Variants in GLMN observed in about 807,000 individuals in gnomAD.
GLMN encodes the protein glomulin.
A neutral mutation model predicts 87.8 loss-of-function variants in GLMN; 75 were observed. That is an observed-to-expected ratio of 0.85 (90% confidence interval 0.71 to 1.04). The LOEUF is 1.04. Among genes scored for constraint, GLMN ranks in the 50% least tolerant of loss-of-function variants. The probability of loss-of-function intolerance (pLI) is 0.00; values close to 1 mark genes in which losing one functional copy is unlikely to be tolerated. For synonymous variants in GLMN, 206 were observed against 221.6 expected (o/e 0.93, Z 0.63); for missense variants, 588 against 658.8 (o/e 0.89, Z 1.18).
intron 6 of GLMN, 70 bp from the exon 7 acceptor site, chr1:92,286,662 T>C: frequency 5.0e-6 from 4 of 795,126 alleles, no homozygotes; most frequent in Non-Finnish European, 9.0e-6. Flanking sequence ...TCTTCAAATC[T>C]AAGTTAATTT....
At chr1:92,311,589 C>T in the GLMN span, among the ~76,000 whole-genome samples, 1 of 152,150 alleles carries the variant, frequency 6.6e-6, no homozygotes, top group Admixed American at 6.5e-5. Flanking sequence ...CTGAGGATGC[C>T]ATGACCTTAC....
At chr1:92,367,073 T>G in the GLMN span, among the ~76,000 whole-genome samples, 1 of 152,206 alleles carries the variant, frequency 6.6e-6, no homozygotes, top group African/African-American at 2.4e-5. Context: ...ACAAGATACC[T>G]TTGTGATAAA....
intron 16 of GLMN, among the ~76,000 whole-genome samples, chr1:92,258,066 A>G (rs1246255477): frequency 1.3e-5 from 2 of 152,044 alleles, no homozygotes; most frequent in African/African-American, 4.8e-5. Flanking sequence ...CAAATTTATA[A>G]GAAAAAAAAA....
upstream of GLMN, chr1:92,301,400 T>C (rs1002174767): frequency 4.3e-5 from 29 of 674,042 alleles, no homozygotes; most frequent in East Asian, 8.7e-4. Context: ...GTGAGTTAGG[T>C]TAGTATTGTA....
At chr1:92,324,268 G>A in the GLMN span, 6 of 1,613,766 alleles carry the variant, frequency 3.7e-6, no homozygotes, top group Admixed American at 1.7e-5. Context: ...GCCAAGTTAC[G>A]AGAATTTGAA....
the GLMN span, among the ~76,000 whole-genome samples, chr1:92,338,961 T>TA: frequency 6.6e-6 from 1 of 152,118 alleles, no homozygotes; most frequent in African/African-American, 2.4e-5. Context: ...AGACAACACT[T>TA]ATTTAATCAC....
the GLMN span, among the ~76,000 whole-genome samples, chr1:92,348,075 G>A: frequency 1.3e-5 from 2 of 151,980 alleles, no homozygotes; most frequent in Non-Finnish European, 2.9e-5. Context: ...ATGCCCAGTA[G>A]AGCTGGGGTT....
chr1:92,288,857 TAACTG>T, intron 6 of GLMN, 52 bp downstream of exon 6: 1 of 879,950 alleles, frequency 1.1e-6, no homozygotes, highest in Non-Finnish European at 1.9e-6. Context: ...AAACATAAAA[TAACTG>T]AACTATCAAT....
intron 15 of GLMN, 57 bp downstream of exon 15, chr1:92,263,565 AG>A: frequency 1.2e-6 from 1 of 815,436 alleles, no homozygotes; most frequent in Non-Finnish European, 2.2e-6. Flanking sequence ...TTCCCTAAGC[AG>A]ATGTTTCACA....
At chr1:92,306,861 C>T in the GLMN span, among the ~76,000 whole-genome samples, 7 of 151,958 alleles carry the variant, frequency 4.6e-5, no homozygotes, top group Non-Finnish European at 1.0e-4. Flanking sequence ...AATATTATTC[C>T]ATTCAAAAAA....
chr1:92,362,091 T>C, the GLMN span, among the ~76,000 whole-genome samples: 1 of 152,346 alleles, frequency 6.6e-6, no homozygotes, highest in East Asian at 1.9e-4. Context: ...CTAGTTTTAC[T>C]GAATGTATTT....
chr1:92,334,440 C>T, the GLMN span, among the ~76,000 whole-genome samples: 2 of 152,010 alleles, frequency 1.3e-5, no homozygotes, highest in Non-Finnish European at 2.9e-5. Context: ...TGGTTATGAT[C>T]ATTTTATTGT....
At chr1:92,313,303 G>C in the GLMN span, among the ~76,000 whole-genome samples, 3 of 152,196 alleles carry the variant, frequency 2.0e-5, no homozygotes, top group African/African-American at 7.2e-5. Flanking sequence ...CTTGAAAGTT[G>C]AAATTACTCC....
chr1:92,309,418 G>A, the GLMN span, among the ~76,000 whole-genome samples: 1 of 145,468 alleles, frequency 6.9e-6, no homozygotes, highest in East Asian at 2.1e-4. Context: ...CTCCAGCCTG[G>A]TGACAGAGCA....
chr1:92,265,103 A>G (rs1297645413), intron 13 of GLMN, among the ~76,000 whole-genome samples: 2 of 152,142 alleles, frequency 1.3e-5, no homozygotes, highest in Non-Finnish European at 2.9e-5. Context: ...AGCCTCCCAA[A>G]GTGCTGGGAT....
chr1:92,269,994 G>A (rs1232367678), intron 8 of GLMN, among the ~76,000 whole-genome samples: 1 of 152,142 alleles, frequency 6.6e-6, no homozygotes, highest in African/African-American at 2.4e-5. Context: ...CAATATGACT[G>A]TTGTCCTTAT....
the GLMN span, among the ~76,000 whole-genome samples, chr1:92,338,946 C>T: frequency 6.6e-6 from 1 of 152,054 alleles, no homozygotes. Context: ...CATTCACCCT[C>T]CTGCAGACAA....
intron 4 of GLMN, among the ~76,000 whole-genome samples, chr1:92,290,835 T>C (rs564278860): frequency 7.4e-4 from 113 of 152,348 alleles, no homozygotes; most frequent in African/African-American, 2.6e-3. Flanking sequence ...AACAGTTTCT[T>C]ATAATATACT....
chr1:92,341,048 A>G, the GLMN span, among the ~76,000 whole-genome samples: 1 of 152,096 alleles, frequency 6.6e-6, no homozygotes, highest in Non-Finnish European at 1.5e-5. Context: ...TCACTCTGTC[A>G]CCCAGGTTGG....
Sources: gnomAD v4.1 joint callset for allele counts (sites outside exome capture counted in the v4.1 genomes callset) on GRCh38, gnomAD v4.1.1 for gene constraint, MANE v1.5 for transcripts, NCBI Gene and HGNC (gene_info 2026-07-23, HGNC 2026-07-21) for gene names.